The following PTPRD variants were observed in gnomAD, a reference collection of about 807,000 sequenced individuals.
PTPRD encodes receptor-type tyrosine-protein phosphatase delta.
Under a neutral mutation model 214.5 loss-of-function variants are expected in PTPRD, and 34 were observed. That is an observed-to-expected ratio of 0.16 (90% CI 0.12 to 0.21). The LOEUF (loss-of-function observed/expected upper bound fraction) is 0.21, where lower values mean the gene tolerates loss of function less well. PTPRD is among the 10% of genes least tolerant of loss of function. The probability of loss-of-function intolerance (pLI) is 1.00; values close to 1 mark genes in which losing one functional copy is unlikely to be tolerated. For synonymous variants in PTPRD, 1,128 were observed against 845.7 expected (o/e 1.33, Z -5.79); for missense variants, 2,545 against 2,398.7 (o/e 1.06, Z -1.27).
At chr9:9,895,030 T>C (rs1001425849) in intron 5 of PTPRD, among the ~76,000 whole-genome samples, 8 of 152,084 alleles carry the variant, frequency 5.3e-5, no homozygotes, top group Non-Finnish European at 5.9e-5. Flanking sequence ...CACAATGGGT[T>C]GAAATAATGT....
At chr9:8,320,941 C>T (rs76362307) in intron 44 of PTPRD, among the ~76,000 whole-genome samples, 2 of 151,972 alleles carry the variant, frequency 1.3e-5, no homozygotes, top group African/African-American at 2.4e-5. Flanking sequence ...CACTTGGGCA[C>T]GGGCTGTAGA....
At chr9:8,881,608 C>T (rs760634179) in intron 11 of PTPRD, among the ~76,000 whole-genome samples, 5 of 152,140 alleles carry the variant, frequency 3.3e-5, no homozygotes, top group Non-Finnish European at 7.3e-5. Context: ...ATTCAACGTA[C>T]GTGTTTTTCT....
chr9:9,432,140 G>T (rs2143218184), intron 8 of PTPRD, among the ~76,000 whole-genome samples: 1 of 151,164 alleles, frequency 6.6e-6, no homozygotes, highest in Non-Finnish European at 1.5e-5. Flanking sequence ...ATCATGCATT[G>T]TGTGAGAAAG....
intron 3 of PTPRD, among the ~76,000 whole-genome samples, chr9:10,334,033 G>A (rs2096798066): frequency 6.6e-6 from 1 of 151,366 alleles, no homozygotes; most frequent in Admixed American, 6.6e-5. Flanking sequence ...TTTCTAAACA[G>A]GCAAGTATAT....
At chr9:9,682,939 C>T (rs746846556) in intron 7 of PTPRD, among the ~76,000 whole-genome samples, 1 of 151,844 alleles carries the variant, frequency 6.6e-6, no homozygotes, top group Middle Eastern at 3.4e-3. Flanking sequence ...CTGGAAAGAG[C>T]TTTAACTGAT....
chr9:8,948,465 TTACA>T (rs369861161), intron 11 of PTPRD, among the ~76,000 whole-genome samples: 245 of 6,630 alleles, frequency 0.037, 29 homozygotes, highest in African/African-American at 0.044. Flanking sequence ...ATATATATAT[TTACA>T]TATATATATA....
intron 11 of PTPRD, among the ~76,000 whole-genome samples, chr9:8,785,323 A>G (rs1195703754): frequency 1.3e-5 from 2 of 152,240 alleles, no homozygotes; most frequent in Admixed American, 6.5e-5. Flanking sequence ...TGCAAAAGGA[A>G]TTACCCATGG....
intron 45 of PTPRD, among the ~76,000 whole-genome samples, chr9:8,319,150 G>C (rs988080416): frequency 1.3e-5 from 2 of 152,088 alleles, no homozygotes; most frequent in African/African-American, 4.8e-5. Context: ...CCGTCTGAAA[G>C]ATACTGTGGA....
chr9:9,273,358 T>G (rs546185812), intron 9 of PTPRD, among the ~76,000 whole-genome samples: 1 of 151,296 alleles, frequency 6.6e-6, no homozygotes, highest in East Asian at 2.0e-4. Context: ...ACAAAAATAA[T>G]TATTAAAATT....
intron 11 of PTPRD, among the ~76,000 whole-genome samples, chr9:8,816,967 C>G (rs2154525015): frequency 6.6e-6 from 1 of 152,298 alleles, no homozygotes; most frequent in East Asian, 1.9e-4. Flanking sequence ...ATAAGTGTAA[C>G]TTACACGGAA....
intron 6 of PTPRD, among the ~76,000 whole-genome samples, chr9:9,759,009 G>A (rs2098621887): frequency 6.6e-6 from 1 of 152,096 alleles, no homozygotes; most frequent in Non-Finnish European, 1.5e-5. Flanking sequence ...GGAAGGTGGT[G>A]TTTAAAGAAA....
chr9:9,816,545 A>G (rs2048832174), intron 5 of PTPRD, among the ~76,000 whole-genome samples: 1 of 152,092 alleles, frequency 6.6e-6, no homozygotes, highest in African/African-American at 2.4e-5. Context: ...TTTGAACAAT[A>G]TATTTGAATA....
chr9:9,001,987 G>A (rs1471958715), intron 11 of PTPRD, among the ~76,000 whole-genome samples: 1 of 140,972 alleles, frequency 7.1e-6, no homozygotes, highest in Non-Finnish European at 1.5e-5. Flanking sequence ...GTGTGTGTGT[G>A]TGTTTGGGGG....
intron 11 of PTPRD, among the ~76,000 whole-genome samples, chr9:8,907,197 G>GA (rs138975648): frequency 4.0e-5 from 6 of 149,234 alleles, no homozygotes; most frequent in East Asian, 2.0e-4. Context: ...TAGCTCTCAG[G>GA]AAAAAAAAAT....
In PTPRD at chr9:10,474,236, C is replaced by A. The variant is rs112305929; in HGVS notation, c.-599-133219G>T. Among the ~76,000 whole-genome samples, 1,159 of 151,534 alleles carry A rather than the reference C, an allele frequency of 7.6e-3. 14 individuals are homozygous for A. The highest frequency in any genetic ancestry group is 0.025 in the African/African-American group (1,019 of 41,308). ...CATCAGTGTGCTGTATTCAGGAGACCCATCTCACGTTCAAAGACATACATA... is the reference window on the plus strand; with the variant it reads ...CATCAGTGTGCTGTATTCAGGAGACACATCTCACGTTCAAAGACATACATA... On this transcript the variant is annotated intron_variant, in intron 2 of 45. Transcript: ENST00000381196.
At chr9:10,041,748 C>A (rs1362721456) in intron 3 of PTPRD, among the ~76,000 whole-genome samples, 1 of 152,082 alleles carries the variant, frequency 6.6e-6, no homozygotes, top group South Asian at 2.1e-4. Flanking sequence ...TGATTAAGCA[C>A]TTTTACAAAA....
rs566142505 is a variant in PTPRD at position 8,584,466 on chromosome 9, T to A, written c.352+48851A>T. On this transcript the variant is annotated intron_variant, in intron 14 of 45. Coordinates refer to ENST00000381196, the MANE Select transcript of PTPRD (RefSeq NM_002839.4). Reference sequence around the variant, plus strand: ...GATTAGTTACTGAAAAAAAAAAAAATTTACATTCTTCTCTATTATGTTTTT... The same window carrying A: ...GATTAGTTACTGAAAAAAAAAAAAAATTACATTCTTCTCTATTATGTTTTT... 9.0e-3 allele frequency among the ~76,000 whole-genome samples: 1,348 copies of A among 149,880 alleles called. 54 individuals are homozygous for A. Among genetic ancestry groups the A allele is most frequent in the Admixed American group, 0.067 (1,005 of 14,996 alleles).
At chr9:9,728,957 G>C (rs1362931880) in intron 7 of PTPRD, among the ~76,000 whole-genome samples, 1 of 151,966 alleles carries the variant, frequency 6.6e-6, no homozygotes, top group Admixed American at 6.6e-5. Context: ...GGCCTAAGTT[G>C]CCTGCTTTAC....
intron 3 of PTPRD, among the ~76,000 whole-genome samples, chr9:10,134,549 T>G (rs962852502): frequency 1.3e-5 from 2 of 152,164 alleles, no homozygotes; most frequent in Non-Finnish European, 2.9e-5. Context: ...CCATTTTTTT[T>G]CCAGCACGCT....
Sources: gnomAD v4.1 joint callset for allele counts (sites outside exome capture counted in the v4.1 genomes callset) on GRCh38, gnomAD v4.1.1 for gene constraint, MANE v1.5 for transcripts, NCBI Gene and HGNC (gene_info 2026-07-23, HGNC 2026-07-21) for gene names.